The following RANBP2 variants were observed in gnomAD, a reference collection of about 807,000 sequenced individuals.
The protein encoded by RANBP2 is E3 SUMO-protein ligase RanBP2.
RANBP2 carries 57 observed loss-of-function variants against 303.6 expected under a neutral mutation model. The ratio of observed to expected loss-of-function variants is 0.19; its 90% confidence interval spans 0.15 to 0.23. The LOEUF (loss-of-function observed/expected upper bound fraction) is 0.23. Ranked by LOEUF, RANBP2 falls within the 10% of genes least tolerant of loss-of-function variation. RANBP2 has a pLI of 1.00. For missense variants in RANBP2, 3,138 were observed against 3,780.8 expected, an observed-to-expected ratio of 0.83 and a Z score of 4.46; for synonymous variants, 1,167 against 1,301.5, an observed-to-expected ratio of 0.90 and a Z score of 2.23.
chr2:109,133,751 C>T, the RANBP2 span, among the ~76,000 whole-genome samples: 144 of 139,128 alleles, frequency 1.0e-3, no homozygotes, highest in Non-Finnish European at 1.9e-3. Flanking sequence ...TGCACTCAAA[C>T]TTCTTTCCCT....
the RANBP2 span, among the ~76,000 whole-genome samples, chr2:109,201,780 T>C: frequency 6.6e-6 from 1 of 152,088 alleles, no homozygotes. Context: ...AAATGAGCTT[T>C]GGGAAGTGGG....
chr2:108,794,680 C>T, the RANBP2 span: 1 of 1,613,794 alleles, frequency 6.2e-7, no homozygotes, highest in Non-Finnish European at 8.5e-7. Context: ...TCAGATCAGT[C>T]AGATATATGA....
chr2:109,363,721 ATTT>A, the RANBP2 span, among the ~76,000 whole-genome samples: 1 of 152,180 alleles, frequency 6.6e-6, no homozygotes, highest in Non-Finnish European at 1.5e-5. Context: ...TTGAAGGATA[ATTT>A]CACAGGTACA....
At chr2:109,334,217 G>T in the RANBP2 span, among the ~76,000 whole-genome samples, 1 of 152,130 alleles carries the variant, frequency 6.6e-6, no homozygotes, top group South Asian at 2.1e-4. Context: ...AATTAGCCAG[G>T]TGTGGTGGCA....
chr2:108,800,426 G>C, the RANBP2 span, among the ~76,000 whole-genome samples: 1 of 151,580 alleles, frequency 6.6e-6, no homozygotes, highest in Admixed American at 6.6e-5. Flanking sequence ...CACCATGCCC[G>C]GCTAATTTTT....
chr2:108,807,305 G>A, the RANBP2 span, among the ~76,000 whole-genome samples: 1 of 152,008 alleles, frequency 6.6e-6, no homozygotes, highest in Non-Finnish European at 1.5e-5. Flanking sequence ...TCTATGGAAA[G>A]GAATTAAATT....
the RANBP2 span, among the ~76,000 whole-genome samples, chr2:109,709,291 AGCGAAACT>A: frequency 7.0e-6 from 1 of 142,850 alleles, no homozygotes; most frequent in African/African-American, 2.5e-5. Context: ...GGGCAACAAG[AGCGAAACT>A]GTGTCTCAAA....
chr2:109,671,055 G>A, the RANBP2 span, among the ~76,000 whole-genome samples: 21 of 152,332 alleles, frequency 1.4e-4, no homozygotes, highest in South Asian at 4.4e-3. Flanking sequence ...ACTGGCCCCT[G>A]CCACCCAGTG....
At chr2:109,613,044 A>G in the RANBP2 span, 14 of 542,454 alleles carry the variant, frequency 2.6e-5, no homozygotes, top group Non-Finnish European at 6.5e-6. Context: ...CAAAAATTAA[A>G]AGGGAGAATT....
chr2:108,931,129 C>A, the RANBP2 span: 1 of 967,164 alleles, frequency 1.0e-6, no homozygotes, highest in East Asian at 2.5e-5. Context: ...AGGTGCCTTC[C>A]AGCAAACAGA....
chr2:108,777,350 T>TTTTA, intron 25 of RANBP2, 119 bp downstream of exon 25: 1 of 673,734 alleles, frequency 1.5e-6, no homozygotes, highest in Non-Finnish European at 2.4e-6. Context: ...CCCCCCAGTT[T>TTTTA]GTTTTAGTGT....
chr2:109,504,627 A>G, the RANBP2 span: 3 of 152,374 alleles, frequency 2.0e-5, no homozygotes, highest in East Asian at 5.8e-4. Context: ...AAAAATGAAC[A>G]TGGAGAAGGC....
the RANBP2 span, among the ~76,000 whole-genome samples, chr2:109,446,535 G>A: frequency 2.0e-5 from 3 of 152,178 alleles, no homozygotes; most frequent in Non-Finnish European, 2.9e-5. Flanking sequence ...GCAGGGTCAG[G>A]CAGCACCGTG....
Position 108,731,344 on chromosome 2 carries a change from C to A in RANBP2, c.275C>A (p.Thr92Lys). ...TAGCGTTCAGTGGAATTAAACCCAACACAAAAAGATCTTGTGTTGAAGATT... is the reference window on the plus strand; with the variant it reads ...TAGCGTTCAGTGGAATTAAACCCAAAACAAAAAGATCTTGTGTTGAAGATT... ...CYRRSVELNP[T>K]QKDLVLKIAE... Residue 92 changes from threonine (T) to lysine (K), a missense_variant, in exon 4 of 29, where the codon ACA becomes AAA. Physicochemically the swap from Thr to Lys is moderately conservative, Grantham distance 78. Around this residue, in one of 20 missense-constraint regions of RANBP2, gnomAD observed 306 missense variants for 381.9 expected, o/e 0.80. Coordinates refer to ENST00000283195, the MANE Select transcript of RANBP2 (RefSeq NM_006267.5). 6.2e-7 allele frequency: 1 copy of A among 1,611,182 alleles called. No individual in the cohort carries two copies. Among genetic ancestry groups the A allele is most frequent in the South Asian group, 1.1e-5 (1 of 90,844 alleles).
At chr2:109,001,263 A>C in the RANBP2 span, among the ~76,000 whole-genome samples, 1 of 151,220 alleles carries the variant, frequency 6.6e-6, no homozygotes, top group Admixed American at 6.6e-5. Context: ...CAATCACAGA[A>C]AGAATCAGGA....
At chr2:109,249,499 TTC>T in the RANBP2 span, among the ~76,000 whole-genome samples, 1,259 of 29,872 alleles carry the variant, frequency 0.042, 25 homozygotes, top group African/African-American at 0.17. Flanking sequence ...CTTTCTTTCT[TTC>T]TTTCTTTCAT....
At chr2:109,291,592 C>A in the RANBP2 span, among the ~76,000 whole-genome samples, 22 of 152,362 alleles carry the variant, frequency 1.4e-4, no homozygotes, top group South Asian at 4.6e-3. Context: ...CTGTGATCTG[C>A]TGAGCCCAGG....
At chr2:109,717,277 A>C in the RANBP2 span, among the ~76,000 whole-genome samples, 2 of 150,494 alleles carry the variant, frequency 1.3e-5, no homozygotes, top group African/African-American at 2.4e-5. Context: ...CAAACCAAAA[A>C]AAAAAAAAAA....
chr2:109,726,374 C>T, the RANBP2 span, among the ~76,000 whole-genome samples: 3 of 152,042 alleles, frequency 2.0e-5, no homozygotes, highest in Non-Finnish European at 2.9e-5. Context: ...CGCACCACTG[C>T]ACTCCAGCCT....
Sources: gnomAD v4.1 joint callset for allele counts (sites outside exome capture counted in the v4.1 genomes callset) on GRCh38, gnomAD v4.1.1 for gene constraint, gnomAD v4.1.1 regional missense constraint, MANE v1.5 for transcripts, NCBI Gene and HGNC (gene_info 2026-07-23, HGNC 2026-07-21) for gene names.